NCAPD2: variants seen among roughly 807,000 people sequenced by gnomAD.
The protein encoded by NCAPD2 is condensin complex subunit 1.
A neutral mutation model predicts 164.5 loss-of-function variants in NCAPD2; 100 were observed. The ratio of observed to expected loss-of-function variants is 0.61; its 90% CI spans 0.52 to 0.72. The LOEUF is 0.72. Ranked by LOEUF, NCAPD2 falls within the 30% of genes least tolerant of loss-of-function variation. The pLI, the probability that NCAPD2 is intolerant of heterozygous loss-of-function variation, is 0.00. For missense variants in NCAPD2, 1,560 were observed against 1,749.2 expected (o/e 0.89, Z 1.93); for synonymous variants, 585 against 642.6 (o/e 0.91, Z 1.36).
At chr12:6,523,149 C>G (rs1253509322) in intron 16 of NCAPD2, 113 bp from the exon 17 acceptor site, 266 of 1,444,292 alleles carry the variant, frequency 1.8e-4, no homozygotes, top group Non-Finnish European at 1.6e-5. Flanking sequence ...GGGTGGGGCT[C>G]GGTTTCCAGG....
intron 17 of NCAPD2, among the ~76,000 whole-genome samples, chr12:6,524,169 G>T (rs900645583): frequency 2.0e-5 from 3 of 152,190 alleles, no homozygotes; most frequent in African/African-American, 7.2e-5. Flanking sequence ...GTAGGAAAGA[G>T]AGCGGTTTGG....
Position 6,531,136 on chromosome 12 carries a change from GT to G in NCAPD2, c.4120+63del. 1.9e-6 allele frequency: 3 copies of G among 1,602,082 alleles called. No homozygotes were observed. Among genetic ancestry groups the G allele is most frequent in the Non-Finnish European group, 2.6e-6 (3 of 1,173,114 alleles). Reference sequence around the variant, plus strand: ...CACACAGCTAGGGTGCAGAGGGCTGGTTTCCATAGGACCTGCTGCGGGGGCC... The same window carrying G: ...CACACAGCTAGGGTGCAGAGGGCTGGTTCCATAGGACCTGCTGCGGGGGCC... On this transcript the variant is annotated intron_variant, in intron 31 of 31. Transcript: ENST00000315579. This position sits in a 1 kb window ranked among gnomAD's most constrained non-coding sequence, Gnocchi z 4.1.
intron 2 of NCAPD2, among the ~76,000 whole-genome samples, chr12:6,506,144 G>A (rs1946097116): frequency 1.3e-5 from 2 of 151,974 alleles, no homozygotes; most frequent in South Asian, 4.1e-4. Flanking sequence ...TTTTTGTGGA[G>A]ATGGGGTCTT....
Position 6,510,742 on chromosome 12 carries a change from C to T in NCAPD2, c.376C>T (p.Arg126Cys), listed in dbSNP as rs1367844781. 13 of 1,614,030 alleles carry T rather than the reference C, an allele frequency of 8.1e-6. No homozygotes were observed. The highest frequency in any genetic ancestry group is 4.5e-5 in the East Asian group (2 of 44,896). Residue 126 changes from arginine to cysteine, a missense_variant, in exon 5 of 32, where the codon CGT becomes TGT. Arg to Cys is a radical substitution (Grantham distance 180, BLOSUM62 -3). Coordinates refer to ENST00000315579, the MANE Select transcript of NCAPD2 (RefSeq NM_014865.4). ...CAAAATGAACTGTTATGCTCTGATA[C>T]GTCTCCTGGAATCCTTTGAGACCAT... ...ALKMNCYALI[R>C]LLESFETMAS...
intron 13 of NCAPD2, among the ~76,000 whole-genome samples, chr12:6,520,091 G>A (rs1310303578): frequency 6.6e-6 from 1 of 150,902 alleles, no homozygotes; most frequent in East Asian, 1.9e-4. Flanking sequence ...TGAGGCATGA[G>A]AATCACTCAA....
chr12:6,522,179 C>T, intron 15 of NCAPD2, 142 bp downstream of exon 15: 1 of 892,632 alleles, frequency 1.1e-6, no homozygotes, highest in Non-Finnish European at 1.7e-6. Flanking sequence ...GGCAATTCTT[C>T]TGCGTCAGCC....
In NCAPD2 at chr12:6,528,495, C is replaced by A; in HGVS notation, c.3299+167C>A. 1.8e-6 allele frequency: 2 copies of A among 1,129,894 alleles called. No individual in the cohort carries two copies. The highest frequency in any genetic ancestry group is 2.5e-6 in the Non-Finnish European group (2 of 794,052). The allele number at this position is 1,129,894 out of a possible 1,614,324, so 70.0% of individuals were successfully genotyped here. On this transcript the variant is annotated intron_variant, in intron 25 of 31. Coordinates refer to ENST00000315579, the MANE Select transcript of NCAPD2 (RefSeq NM_014865.4). This position sits in a 1 kb window ranked among gnomAD's most constrained non-coding sequence, Gnocchi z 5.1. ...CTGGCTAAGAGTCACCCCAGTGGGA[C>A]TGACACTTCTGGTTAGAAGCTTCAC...
Position 6,504,202 on chromosome 12 carries a change from T to TATATACATATATATATACATATATAC in NCAPD2, c.128-5510_128-5509insCATATATATATACATATATACATATA, listed in dbSNP as rs1946072623. Among the ~76,000 whole-genome samples, 4 of 22,008 alleles carry TATATACATATATATATACATATATAC rather than the reference T, an allele frequency of 1.8e-4. No individual in the cohort carries two copies. The African/African-American group carries it at 1.9e-3, about 10-fold the overall frequency. 14.4% of individuals were successfully genotyped at this position (22,008 alleles called of 152,430 possible). A position where few individuals can be genotyped will look rare whatever the true frequency, so the allele number is the denominator to read the frequency against. On this transcript the variant is annotated intron_variant, in intron 2 of 31. Transcript: ENST00000315579. ...ATATACATATATATATATATATATA[T>TATATACATATATATATACATATATAC]ATATATATATATATAGATATAGATA...
chr12:6,496,389 A>G (rs1044380484), intron 2 of NCAPD2, among the ~76,000 whole-genome samples: 1 of 151,958 alleles, frequency 6.6e-6, no homozygotes, highest in Non-Finnish European at 1.5e-5. Context: ...TAATGTCCAG[A>G]AGTGGAAAAA....
Position 6,516,824 on chromosome 12 carries a change from T to C in NCAPD2, c.988-4T>C. 1 of 1,614,032 alleles carries C rather than the reference T, an allele frequency of 6.2e-7. No individual in the cohort carries two copies. Among genetic ancestry groups the C allele is most frequent in the Non-Finnish European group, 8.5e-7 (1 of 1,179,964 alleles). ...TTTGACCCCTCTATGCTTCTCTCTC[T>C]TAGAATTACATGATGCGTAATGCTG... is the stretch of plus-strand genomic sequence containing the variant. On this transcript the variant is annotated splice_polypyrimidine_tract_variant and splice_region_variant and intron_variant, in intron 9 of 31. Transcript: ENST00000315579.
At chr12:6,499,085 G>A (rs1946010650) in intron 2 of NCAPD2, among the ~76,000 whole-genome samples, 1 of 152,114 alleles carries the variant, frequency 6.6e-6, no homozygotes, top group Admixed American at 6.6e-5. Context: ...GTGTGGATAT[G>A]TTGGACAAAG....
In NCAPD2 at chr12:6,526,168, C is replaced by T; in HGVS notation, c.2449C>T (p.His817Tyr). The T allele has an allele frequency of 5.6e-6, 9 of 1,614,196 alleles. No homozygotes were observed. Among genetic ancestry groups the T allele is most frequent in the Non-Finnish European group, 7.6e-6 (9 of 1,180,048 alleles). Residue 817 changes from histidine (H) to tyrosine (Y), a missense_variant, in exon 19 of 32, where the codon CAT becomes TAT. By Grantham distance (83) the His-to-Tyr change is moderately conservative. Coordinates refer to ENST00000315579, the MANE Select transcript of NCAPD2 (RefSeq NM_014865.4). ...CTACAGGCTGGCCCAGCAGGTGTGC[C>T]ATGCCATTGCCAACATCTCGGACAG... ...QDYRLAQQVCHAIANISDRRK... is the reference protein window; with the variant it reads ...QDYRLAQQVCYAIANISDRRK...
In NCAPD2 at chr12:6,528,070, T is replaced by C; in HGVS notation, c.3122T>C (p.Leu1041Pro). ...CTCTCTGCAGCTGCTTCACTTGCCC[T>C]TGGCAAGTTCTGCATGATCAGGTAG... ...PDLSAAASLA[L>P]GKFCMISATF... The change falls in exon 24 of 32, where the codon CTT becomes CCT. Residue 1041 changes from leucine (L) to proline (P), a missense_variant. By Grantham distance (98) the Leu-to-Pro change is moderately conservative (BLOSUM62 -3). Coordinates refer to ENST00000315579, the MANE Select transcript of NCAPD2 (RefSeq NM_014865.4). The surrounding 1 kb of genome is among the most constrained non-coding windows in gnomAD (Gnocchi z 5.1). The C allele has an allele frequency of 6.2e-7, 1 of 1,614,238 alleles. No individual in the cohort carries two copies. Among genetic ancestry groups the C allele is most frequent in the Non-Finnish European group, 8.5e-7 (1 of 1,180,040 alleles).
chr12:6,502,915 ATC>A (rs1331278611), intron 2 of NCAPD2, among the ~76,000 whole-genome samples: 9 of 150,650 alleles, frequency 6.0e-5, no homozygotes, highest in African/African-American at 2.2e-4. Context: ...CAGTGGCACT[ATC>A]TCGGCTCACT....
chr12:6,501,869 A>G (rs965292379), intron 2 of NCAPD2, among the ~76,000 whole-genome samples: 7 of 152,256 alleles, frequency 4.6e-5, no homozygotes, highest in African/African-American at 1.7e-4. Context: ...AGAGAGGTCA[A>G]CTGCAGATTA....
chr12:6,498,740 C>T lies in NCAPD2; in HGVS notation c.127+3515C>T, dbSNP rs763769823. On this transcript the variant is annotated intron_variant, in intron 2 of 31. Transcript: ENST00000315579. The stretch of plus-strand genomic sequence containing the variant: ...CCCCTGCCTCAGCCTCCTGAGTAGC[C>T]GGAACTACAGGCGTGAGCCACCGCA... 1.3e-4 allele frequency among the ~76,000 whole-genome samples: 19 copies of T among 151,506 alleles called. 1 individual carries two copies. Among genetic ancestry groups the T allele is most frequent in the African/African-American group, 2.9e-4 (12 of 41,310 alleles).
chr12:6,526,280 T>C lies in NCAPD2; in HGVS notation c.2482-7T>C. 1 of 1,614,188 alleles carries C rather than the reference T, an allele frequency of 6.2e-7. No individual in the cohort carries two copies. The highest frequency in any genetic ancestry group is 1.1e-5 in the South Asian group (1 of 91,080). ...TACACACACCCACGTTGTCTTGCTC[T>C]CCACAGCCTTCTCTGGGCAAACGTC... On this transcript the variant is annotated splice_region_variant and splice_polypyrimidine_tract_variant and intron_variant, in intron 19 of 31. Transcript: ENST00000315579.
intron 2 of NCAPD2, among the ~76,000 whole-genome samples, chr12:6,504,188 T>C (rs1335915319): frequency 1.3e-4 from 4 of 30,260 alleles, no homozygotes; most frequent in Middle Eastern, 0.011. Flanking sequence ...TATACATATA[T>C]ATATATATAT....
intron 22 of NCAPD2, 61 bp from the exon 23 acceptor site, chr12:6,527,716 T>G: frequency 6.7e-7 from 1 of 1,487,788 alleles, no homozygotes; most frequent in Non-Finnish European, 9.2e-7. Context: ...AAACAAAGTA[T>G]GGGCTGGAAT....
Sources: gnomAD v4.1 joint callset for allele counts (sites outside exome capture counted in the v4.1 genomes callset) on GRCh38, gnomAD v4.1.1 for gene constraint, Gnocchi (gnomAD v3.1) non-coding constraint, MANE v1.5 for transcripts, NCBI Gene and HGNC (gene_info 2026-07-23, HGNC 2026-07-21) for gene names.